Variants in ADCY7 observed in about 807,000 individuals in gnomAD.
ADCY7 encodes adenylate cyclase type 7.
Under a neutral mutation model 120.6 loss-of-function variants are expected in ADCY7, and 72 were observed. The ratio of observed to expected loss-of-function variants is 0.60; its 90% CI spans 0.49 to 0.73. The LOEUF is 0.73. Among genes scored for constraint, ADCY7 ranks in the 30% least tolerant of loss-of-function variants. The pLI is 0.00. For missense variants in ADCY7, 1,227 were observed against 1,486.0 expected, an observed-to-expected ratio of 0.83 and a Z score of 2.87; for synonymous variants, 661 against 628.0, an observed-to-expected ratio of 1.05 and a Z score of -0.78.
intron 1 of ADCY7, among the ~76,000 whole-genome samples, chr16:50,284,463 C>T (rs190381716): frequency 6.6e-5 from 10 of 152,328 alleles, no homozygotes; most frequent in East Asian, 1.9e-4. Context: ...GTGCCTGGAG[C>T]GGGTGTGTCC....
rs917821284 is a variant in ADCY7, at chr16:50,292,500, G to A, written c.538-176G>A. Reference sequence around the variant, plus strand: ...TTGCAGTCCTAGTGACTCACTAGGAGACTAGCTCCTGTCTGGGCCTCAGTT... The same window carrying A: ...TTGCAGTCCTAGTGACTCACTAGGAAACTAGCTCCTGTCTGGGCCTCAGTT... On this transcript the variant is annotated intron_variant, in intron 4 of 25. Transcript: ENST00000673801. The A allele has an allele frequency of 1.2e-5, 9 of 726,856 alleles. No individual in the cohort carries two copies. In the African/African-American group the frequency reaches 1.4e-4, roughly 11 times the overall value. 45.0% of individuals were successfully genotyped at this position (726,856 alleles called of 1,614,324 possible).
At chr16:50,301,061 C>T (rs1367837323) in intron 9 of ADCY7, 21 bp from the exon 10 acceptor site, 1 of 1,610,960 alleles carries the variant, frequency 6.2e-7, no homozygotes, top group East Asian at 2.2e-5. Flanking sequence ...CAAGGCTCTG[C>T]CTGACTTGGG....
chr16:50,255,873 A>G (rs1257998009), intron 1 of ADCY7, among the ~76,000 whole-genome samples: 1 of 152,224 alleles, frequency 6.6e-6, no homozygotes, highest in African/African-American at 2.4e-5. Context: ...TGTTGAGAAG[A>G]CTGGGTTTTC....
In ADCY7 at chr16:50,301,208, C is replaced by T. The variant is rs770809903; in HGVS notation, c.1362C>T (p.Asp454=). The T allele has an allele frequency of 2.9e-5, 46 of 1,590,290 alleles. No individual in the cohort carries two copies. Among genetic ancestry groups the T allele is most frequent in the Non-Finnish European group, 3.8e-5 (44 of 1,168,654 alleles). ...EMNIRTYLVI[D]PRSQQPPPPS... is the part of the protein sequence containing the mutation. ...ACATCCGCACCTACCTGGTCATCGA[C>T]CCCCGGGTACGAGGGCTCAGAGGCC... Residue 454 remains aspartate, a synonymous_variant, in exon 10 of 26, where the codon GAC becomes GAT. Coordinates refer to ENST00000673801, the MANE Select transcript of ADCY7 (RefSeq NM_001114.5).
intron 1 of ADCY7, among the ~76,000 whole-genome samples, chr16:50,284,352 T>C (rs750261196): frequency 1.3e-5 from 2 of 152,168 alleles, no homozygotes; most frequent in Non-Finnish European, 2.9e-5. Context: ...GCCTAATGAG[T>C]TCCTTGAGAG....
chr16:50,265,524 C>T (rs148863957), upstream of ADCY7, among the ~76,000 whole-genome samples: 32 of 152,324 alleles, frequency 2.1e-4, no homozygotes, highest in South Asian at 8.3e-4. Context: ...TGGGGCTGGA[C>T]GCTGGGGACA....
intron 1 of ADCY7, among the ~76,000 whole-genome samples, chr16:50,283,178 T>G (rs1236053094): frequency 6.6e-6 from 1 of 152,184 alleles, no homozygotes; most frequent in African/African-American, 2.4e-5. Flanking sequence ...ATGTGGACTT[T>G]GAGACTCTTG....
chr16:50,291,606 C>CTTGT, intron 3 of ADCY7, 130 bp from the exon 4 acceptor site: 1 of 982,740 alleles, frequency 1.0e-6, no homozygotes, highest in Non-Finnish European at 1.5e-6. Context: ...TATGTCTGCC[C>CTTGT]ACGCAGGGGG....
At chr16:50,254,132 TGGA>T (rs761486162) in intron 1 of ADCY7, among the ~76,000 whole-genome samples, 1 of 152,266 alleles carries the variant, frequency 6.6e-6, no homozygotes, top group African/African-American at 2.4e-5. Flanking sequence ...GTGTGAGACA[TGGA>T]GGAGATGGCA....
At chr16:50,261,716 G>A (rs1167571989), upstream of ADCY7, among the ~76,000 whole-genome samples, 1 of 152,132 alleles carries the variant, frequency 6.6e-6, no homozygotes, top group Non-Finnish European at 1.5e-5. Context: ...CCCTAGCTCC[G>A]CCAAAGTCTC....
In ADCY7 at chr16:50,310,831, T is replaced by G; in HGVS notation, c.2305T>G (p.Cys769Gly). Residue 769 changes from cysteine (C) to glycine (G), a missense_variant, in exon 19 of 26, where the codon TGC (cysteine) becomes GGC (glycine). Physicochemically the swap from Cys to Gly is radical, Grantham distance 159 (BLOSUM62 -3). Around this residue, in one of 5 missense-constraint regions of ADCY7, gnomAD observed 267 missense variants for 270.0 expected, o/e 0.99. Coordinates refer to ENST00000673801, the MANE Select transcript of ADCY7 (RefSeq NM_001114.5). Reference sequence around the variant, plus strand: ...CCTCTCCCCATGCTGGCAGTGGGACTGCTGCGGCCAAGGCCTGGGCAACCT... The same window carrying G: ...CCTCTCCCCATGCTGGCAGTGGGACGGCTGCGGCCAAGGCCTGGGCAACCT... The part of the protein sequence containing the change: ...FNLSPCWQWD[C>G]CGQGLGNLTK... 6.2e-7 allele frequency: 1 copy of G among 1,613,606 alleles called. No individual in the cohort carries two copies. The highest frequency in any genetic ancestry group is 8.5e-7 in the Non-Finnish European group (1 of 1,179,840).
intron 1 of ADCY7, among the ~76,000 whole-genome samples, chr16:50,255,914 A>G (rs1007708036): frequency 6.6e-6 from 1 of 152,238 alleles, no homozygotes; most frequent in Non-Finnish European, 1.5e-5. Context: ...AGATCCTTAC[A>G]TATAAAAACC....
At chr16:50,291,587 G>A in intron 3 of ADCY7, 149 bp from the exon 4 acceptor site, 1 of 823,726 alleles carries the variant, frequency 1.2e-6, no homozygotes, top group South Asian at 1.6e-5. Context: ...GGCTTTTCTT[G>A]TTCCCTTGTA....
chr16:50,313,172 T>C, intron 22 of ADCY7, 136 bp downstream of exon 22: 2 of 1,229,066 alleles, frequency 1.6e-6, no homozygotes, highest in East Asian at 5.3e-5. Flanking sequence ...ATCCCAGCAC[T>C]TTGGGAGGTC....
chr16:50,266,633 CCT>C lies in ADCY7; in HGVS notation c.-314_-313del, dbSNP rs2033229398. The C allele has an allele frequency of 5.2e-5, 8 of 153,528 alleles. No homozygotes were observed. In the Admixed American group the frequency reaches 5.2e-4, roughly 10 times the overall value. 9.5% of individuals were successfully genotyped at this position (153,528 alleles called of 1,614,324 possible). On this transcript the variant is annotated 5_prime_UTR_variant, in exon 1 of 26. Transcript: ENST00000673801. ...GGAAGGGCAGGCGGGGGCCGGGCCA[CCT>C]CCCTGCAGACCCTGGCCGGCTGCTG...
rs140505854 is a variant in ADCY7 at position 50,310,716 on chromosome 16, C to T, written c.2190C>T (p.Phe730=). Residue 730 remains phenylalanine, a synonymous_variant, in exon 19 of 26, where the codon TTC becomes TTT. Coordinates refer to ENST00000673801, the MANE Select transcript of ADCY7 (RefSeq NM_001114.5). ...PYYTCSCVLG[F]IACSVFLRMS... The stretch of plus-strand genomic sequence containing the variant: ...ACACCTGCAGCTGTGTCCTGGGCTT[C>T]ATCGCCTGCTCGGTCTTCCTGAGGA... The T allele has an allele frequency of 4.0e-5, 65 of 1,614,098 alleles. No homozygotes were observed. The African/African-American group carries it at 7.6e-4, about 19-fold the overall frequency.
At chr16:50,277,558 A>G (rs1038548480) in intron 1 of ADCY7, among the ~76,000 whole-genome samples, 1 of 151,466 alleles carries the variant, frequency 6.6e-6, no homozygotes, top group Non-Finnish European at 1.5e-5. Context: ...GGATTTTGCT[A>G]TGTTACCCAG....
intron 1 of ADCY7, among the ~76,000 whole-genome samples, chr16:50,252,843 A>G (rs1334683799): frequency 1.3e-5 from 2 of 152,272 alleles, no homozygotes; most frequent in Admixed American, 6.5e-5. Context: ...ATCAGAAAAT[A>G]TAAGTAATAA....
chr16:50,273,584 T>G (rs1256482794), intron 1 of ADCY7, among the ~76,000 whole-genome samples: 2 of 152,176 alleles, frequency 1.3e-5, no homozygotes, highest in Non-Finnish European at 2.9e-5. Context: ...TGGGCCCCTT[T>G]CCATGTGCAA....
Sources: gnomAD v4.1 joint callset for allele counts (sites outside exome capture counted in the v4.1 genomes callset) on GRCh38, gnomAD v4.1.1 for gene constraint, gnomAD v4.1.1 regional missense constraint, MANE v1.5 for transcripts, NCBI Gene and HGNC (gene_info 2026-07-23, HGNC 2026-07-21) for gene names.